Variants in SCYL2 observed in about 807,000 individuals in gnomAD.
SCYL2 encodes SCY1 like pseudokinase 2.
A neutral mutation model predicts 100.4 loss-of-function variants in SCYL2; 36 were observed. That is an observed-to-expected ratio of 0.36 (90% CI 0.27 to 0.47). The LOEUF (loss-of-function observed/expected upper bound fraction) is 0.47, where lower values mean the gene tolerates loss of function less well. SCYL2 is among the 20% of genes least tolerant of loss of function. SCYL2 has a pLI of 1.00. For synonymous variants in SCYL2, 330 were observed against 359.2 expected (o/e 0.92, Z 0.92); for missense variants, 902 against 1,083.9 (o/e 0.83, Z 2.36).
In SCYL2 at chr12:100,326,556, A is replaced by G. The variant is rs2096362045; in HGVS notation, c.1510-66A>G. ...ATATTTATATGAAGATTAAGTTTACACTTAAATATTTTGTTCTAGATTTTG... is the reference window on the plus strand; with the variant it reads ...ATATTTATATGAAGATTAAGTTTACGCTTAAATATTTTGTTCTAGATTTTG... On this transcript the variant is annotated intron_variant, in intron 11 of 17. Transcript: ENST00000360820. 3.5e-6 allele frequency: 4 copies of G among 1,153,298 alleles called. No homozygotes were observed. The East Asian group carries it at 1.0e-4, about 30-fold the overall frequency. The allele number at this position is 1,153,298 out of a possible 1,614,324, so 71.4% of individuals were successfully genotyped here. A position where few individuals can be genotyped will look rare whatever the true frequency, so the allele number is the denominator to read the frequency against.
intron 12 of SCYL2, among the ~76,000 whole-genome samples, chr12:100,328,377 T>G (rs1168881045): frequency 6.6e-6 from 1 of 152,236 alleles, no homozygotes; most frequent in Non-Finnish European, 1.5e-5. Flanking sequence ...TTGAAAAGTT[T>G]ATTTATCCAA....
intron 16 of SCYL2, among the ~76,000 whole-genome samples, chr12:100,336,549 G>A (rs939808890): frequency 6.6e-6 from 1 of 152,114 alleles, no homozygotes; most frequent in Non-Finnish European, 1.5e-5. Context: ...TACTACAGAA[G>A]TGATGATGTA....
intron 3 of SCYL2, among the ~76,000 whole-genome samples, chr12:100,295,565 A>G (rs1460379882): frequency 2.0e-5 from 3 of 151,806 alleles, no homozygotes; most frequent in Non-Finnish European, 4.4e-5. Flanking sequence ...CAGGCGTGGC[A>G]GCGCGTGCCT....
At chr12:100,326,597 T>C in intron 11 of SCYL2, 25 bp from the exon 12 acceptor site, 1 of 1,539,224 alleles carries the variant, frequency 6.5e-7, no homozygotes, top group Non-Finnish European at 8.7e-7. Context: ...TTTTAATGAC[T>C]AATGCAATTT....
intron 4 of SCYL2, among the ~76,000 whole-genome samples, chr12:100,301,983 C>T (rs771198369): frequency 7.2e-5 from 11 of 152,182 alleles, no homozygotes; most frequent in African/African-American, 2.4e-4. Flanking sequence ...TGATGAATCC[C>T]GCCAGGACTG....
chr12:100,274,484 G>A (rs1035267571), intron 1 of SCYL2, among the ~76,000 whole-genome samples: 13 of 152,172 alleles, frequency 8.5e-5, no homozygotes, highest in Admixed American at 2.0e-4. Context: ...TAGATAAGGC[G>A]TGGGTTCTTG....
chr12:100,295,666 C>T (rs1163859830), intron 3 of SCYL2, among the ~76,000 whole-genome samples: 1 of 152,044 alleles, frequency 6.6e-6, no homozygotes, highest in Non-Finnish European at 1.5e-5. Flanking sequence ...CCAGCTCCGG[C>T]TGGGCATGAG....
chr12:100,331,660 T>G (rs551756194), intron 13 of SCYL2, among the ~76,000 whole-genome samples: 21 of 152,116 alleles, frequency 1.4e-4, no homozygotes, highest in South Asian at 4.1e-4. Flanking sequence ...GGGTTTTTTT[T>G]GGGGTGGGGG....
chr12:100,339,045 T>C lies in SCYL2; in HGVS notation c.2663T>C (p.Val888Ala), dbSNP rs201391562. 6.2e-7 allele frequency: 1 copy of C among 1,614,164 alleles called. No homozygotes were observed. The highest frequency in any genetic ancestry group is 8.5e-7 in the Non-Finnish European group (1 of 1,179,986). ...GSSVMGTQMNVIGQSAFGMQG... is the reference protein window; with the variant it reads ...GSSVMGTQMNAIGQSAFGMQG... The stretch of plus-strand genomic sequence containing the variant: ...TCAGTAATGGGGACACAGATGAACG[T>C]GATAGGACAATCTGCTTTTGGTATG... The change falls in exon 18 of 18, where the codon GTG becomes GCG. Residue 888 changes from valine to alanine, a missense_variant. Coordinates refer to ENST00000360820, the MANE Select transcript of SCYL2 (RefSeq NM_017988.6).
In SCYL2 at chr12:100,314,477, C is replaced by A; in HGVS notation, c.970-12C>A. The A allele has an allele frequency of 1.3e-6, 2 of 1,563,818 alleles. No individual in the cohort carries two copies. Among genetic ancestry groups the A allele is most frequent in the Non-Finnish European group, 1.7e-6 (2 of 1,143,764 alleles). On this transcript the variant is annotated splice_polypyrimidine_tract_variant and intron_variant, in intron 7 of 17. Coordinates refer to ENST00000360820, the MANE Select transcript of SCYL2 (RefSeq NM_017988.6). ...AACATTTATCAAAATACTTTATTTCCATTTTTTTTAGATTCCCTTCTTTGA... is the reference window on the plus strand; with the variant it reads ...AACATTTATCAAAATACTTTATTTCAATTTTTTTTAGATTCCCTTCTTTGA...
chr12:100,305,854 A>T (rs1166449639), intron 4 of SCYL2, among the ~76,000 whole-genome samples: 1 of 152,042 alleles, frequency 6.6e-6, no homozygotes, highest in African/African-American at 2.4e-5. Context: ...AATACAAACT[A>T]CCATCAGAGA....
chr12:100,293,977 C>A (rs1455866869), intron 3 of SCYL2, among the ~76,000 whole-genome samples: 1 of 151,926 alleles, frequency 6.6e-6, no homozygotes, highest in Admixed American at 6.5e-5. Context: ...TTTTCCCCAC[C>A]TTTCCCCCCT....
At chr12:100,293,197 T>G (rs938926696) in intron 3 of SCYL2, among the ~76,000 whole-genome samples, 4 of 152,148 alleles carry the variant, frequency 2.6e-5, no homozygotes, top group African/African-American at 7.2e-5. Context: ...GCTTGTGTGA[T>G]CCTCCTGCCT....
At chr12:100,322,855 C>T (rs562896675) in intron 10 of SCYL2, among the ~76,000 whole-genome samples, 3 of 141,740 alleles carry the variant, frequency 2.1e-5, no homozygotes, top group African/African-American at 7.9e-5. Context: ...AGCAAAACTC[C>T]GTCTCAAAAA....
chr12:100,298,162 A>T lies in SCYL2; in HGVS notation c.467A>T (p.Tyr156Phe). 1 of 1,560,936 alleles carries T rather than the reference A, an allele frequency of 6.4e-7. No individual in the cohort carries two copies. Among genetic ancestry groups the T allele is most frequent in the Non-Finnish European group, 8.7e-7 (1 of 1,152,172 alleles). Residue 156 changes from tyrosine to phenylalanine, a missense_variant, in exon 4 of 18, where the codon TAT becomes TTT. Tyr to Phe is a conservative substitution (Grantham distance 22). Coordinates refer to ENST00000360820, the MANE Select transcript of SCYL2 (RefSeq NM_017988.6). The stretch of plus-strand genomic sequence containing the variant: ...AAACTTTATGATGTAGAAACCAAAT[A>T]TGGTTTGCTTCAGGTATGTATTTTT... The part of the protein sequence containing the change: ...DYKLYDVETK[Y>F]GLLQVSEGLS...
chr12:100,283,335 C>T (rs2096300952), intron 2 of SCYL2, among the ~76,000 whole-genome samples, 188 bp downstream of exon 2: 1 of 152,142 alleles, frequency 6.6e-6, no homozygotes. Flanking sequence ...CTCTGAATCT[C>T]CTGGTTACAC....
chr12:100,279,167 G>C (rs963579653), intron 1 of SCYL2, among the ~76,000 whole-genome samples: 3 of 152,226 alleles, frequency 2.0e-5, no homozygotes, highest in African/African-American at 7.2e-5. Flanking sequence ...ACAGATGGGG[G>C]ATGGGAGGCT....
chr12:100,275,028 A>G (rs951969188), intron 1 of SCYL2, among the ~76,000 whole-genome samples: 2 of 152,190 alleles, frequency 1.3e-5, no homozygotes, highest in African/African-American at 2.4e-5. Flanking sequence ...TCATGATCAC[A>G]GTATATATCG....
chr12:100,306,146 C>G (rs988992994), intron 4 of SCYL2, among the ~76,000 whole-genome samples: 2 of 152,166 alleles, frequency 1.3e-5, no homozygotes, highest in South Asian at 2.1e-4. Flanking sequence ...CTCCCTAACT[C>G]ATTTTATGAG....
Sources: gnomAD v4.1 joint callset for allele counts (sites outside exome capture counted in the v4.1 genomes callset) on GRCh38, gnomAD v4.1.1 for gene constraint, MANE v1.5 for transcripts, NCBI Gene and HGNC (gene_info 2026-07-23, HGNC 2026-07-21) for gene names.